PCDHA13: variants seen among roughly 807,000 people sequenced by gnomAD.
The protein encoded by PCDHA13 is protocadherin alpha-13.
In PCDHA13, 54 loss-of-function variants were observed where a neutral mutation model predicts 64.8. That is an observed-to-expected ratio of 0.83 (90% confidence interval 0.67 to 1.04). PCDHA13 has a LOEUF of 1.04. Ranked by LOEUF, PCDHA13 falls within the 50% of genes least tolerant of loss-of-function variation. The pLI, the probability that PCDHA13 is intolerant of heterozygous loss-of-function variation, is 0.00. For missense variants in PCDHA13, 1,248 were observed against 1,254.3 expected, an observed-to-expected ratio of 0.99 and a Z score of 0.08; for synonymous variants, 587 against 564.4, an observed-to-expected ratio of 1.04 and a Z score of -0.57.
intron 1 of PCDHA13, among the ~76,000 whole-genome samples, chr5:140,924,229 T>G (rs543275737): frequency 6.6e-6 from 1 of 152,258 alleles, no homozygotes; most frequent in Non-Finnish European, 1.5e-5. Flanking sequence ...TCAATTTTTA[T>G]GGGCTGTTTT....
intron 1 of PCDHA13, among the ~76,000 whole-genome samples, chr5:140,974,864 C>T (rs949061887): frequency 6.6e-6 from 1 of 152,124 alleles, no homozygotes; most frequent in Non-Finnish European, 1.5e-5. Flanking sequence ...TGCCTTAATG[C>T]GGAACAGTCT....
intron 1 of PCDHA13, among the ~76,000 whole-genome samples, chr5:140,941,215 C>CTTT (rs782548958): frequency 2.3e-4 from 24 of 104,510 alleles, no homozygotes; most frequent in African/African-American, 3.3e-4. Context: ...TTCTTTCTTC[C>CTTT]TTTCTTTCTT....
chr5:140,969,238 A>G, intron 1 of PCDHA13: 3 of 1,614,222 alleles, frequency 1.9e-6, no homozygotes, highest in South Asian at 1.1e-5. Flanking sequence ...GAGCCCAAGC[A>G]GCAGTGACTG....
At chr5:140,935,253 A>G (rs1469038997) in intron 1 of PCDHA13, among the ~76,000 whole-genome samples, 1 of 152,226 alleles carries the variant, frequency 6.6e-6, no homozygotes, top group Non-Finnish European at 1.5e-5. Flanking sequence ...GATAAAATAC[A>G]TCACATGTTT....
chr5:140,894,649 T>C (rs1270978331), intron 1 of PCDHA13, among the ~76,000 whole-genome samples: 3 of 152,024 alleles, frequency 2.0e-5, no homozygotes, highest in African/African-American at 7.2e-5. Context: ...ACTGAGTCTC[T>C]CTAATTCTGA....
intron 3 of PCDHA13, among the ~76,000 whole-genome samples, chr5:141,004,400 G>A (rs183932833): frequency 7.4e-4 from 113 of 152,304 alleles, no homozygotes; most frequent in African/African-American, 2.7e-3. Flanking sequence ...TGTGGAGGAG[G>A]CACCTGACTA....
In PCDHA13 at chr5:141,011,714, C is replaced by G. The variant is rs2098421596; in HGVS notation, c.*1777C>G. On this transcript the variant is annotated 3_prime_UTR_variant, in exon 4 of 4. Transcript: ENST00000289272. ...TTTTGGAATGAATACTGACAATATT[C>G]CATGAGGGTGTGCAAGCACAAATTT... 1 of 153,650 alleles carries G rather than the reference C, an allele frequency of 6.5e-6. No individual in the cohort carries two copies. Among genetic ancestry groups the G allele is most frequent in the South Asian group, 2.1e-4 (1 of 4,822 alleles). 9.5% of individuals were successfully genotyped at this position (153,650 alleles called of 1,614,324 possible).
chr5:140,889,923 C>T (rs1225073810), intron 1 of PCDHA13, among the ~76,000 whole-genome samples: 1 of 152,184 alleles, frequency 6.6e-6, no homozygotes, highest in African/African-American at 2.4e-5. Flanking sequence ...TGTAAAGAAG[C>T]TCAAGCTGGA....
At chr5:140,927,748 G>T (rs782605586) in intron 1 of PCDHA13, 3 of 1,614,206 alleles carry the variant, frequency 1.9e-6, no homozygotes, top group Admixed American at 1.7e-5. Flanking sequence ...CCGCTTTCAC[G>T]TGCACCCTAA....
At chr5:140,944,124 G>T (rs922088265) in intron 1 of PCDHA13, among the ~76,000 whole-genome samples, 10 of 152,200 alleles carry the variant, frequency 6.6e-5, no homozygotes, top group Admixed American at 6.5e-4. Context: ...TACCAGAGAA[G>T]AAAAGGTTGA....
At chr5:140,911,160 G>A (rs1226577638) in intron 1 of PCDHA13, among the ~76,000 whole-genome samples, 1 of 152,086 alleles carries the variant, frequency 6.6e-6, no homozygotes, top group African/African-American at 2.4e-5. Context: ...AGACAAATGT[G>A]GAAAGGCTGA....
intron 1 of PCDHA13, among the ~76,000 whole-genome samples, chr5:140,889,562 T>C (rs2062274153): frequency 6.6e-6 from 1 of 152,224 alleles, no homozygotes; most frequent in Non-Finnish European, 1.5e-5. Flanking sequence ...TTCAGAATTC[T>C]GCTTTCTGAT....
chr5:140,976,171 A>T (rs1356953697), intron 1 of PCDHA13, among the ~76,000 whole-genome samples: 1 of 152,218 alleles, frequency 6.6e-6, no homozygotes, highest in African/African-American at 2.4e-5. Flanking sequence ...TTAGTTTTGT[A>T]TTGTTTTAAA....
rs781944777 is a variant in PCDHA13, at chr5:140,978,930, T to A, written c.2395-19T>A. ...TTGTCTTGTCATTTTAACAGAAAAC[T>A]CTCTTTGTGATTTTGCAGCCACGAC... On this transcript the variant is annotated intron_variant, in intron 1 of 3. Transcript: ENST00000289272. The A allele has an allele frequency of 1.2e-6, 2 of 1,614,088 alleles. No homozygotes were observed. The highest frequency in any genetic ancestry group is 8.5e-7 in the Non-Finnish European group (1 of 1,180,010).
At chr5:140,928,252 G>T in intron 1 of PCDHA13, 1 of 1,614,208 alleles carries the variant, frequency 6.2e-7, no homozygotes, top group Non-Finnish European at 8.5e-7. Flanking sequence ...GGAACTTTTC[G>T]TTGCTGAAAA....
chr5:140,996,283 C>T (rs2097719869), intron 3 of PCDHA13, among the ~76,000 whole-genome samples: 1 of 152,172 alleles, frequency 6.6e-6, no homozygotes, highest in African/African-American at 2.4e-5. Context: ...TGCCAAATTT[C>T]AAGAAGCACA....
chr5:140,979,972 C>T (rs1393315984), intron 2 of PCDHA13, among the ~76,000 whole-genome samples: 1 of 152,176 alleles, frequency 6.6e-6, no homozygotes, highest in East Asian at 1.9e-4. Context: ...CATTAAAATG[C>T]ATTAGATTGA....
intron 1 of PCDHA13, chr5:140,968,651 GA>G: frequency 6.2e-7 from 1 of 1,614,154 alleles, no homozygotes; most frequent in Non-Finnish European, 8.5e-7. Flanking sequence ...CCAGACTTCT[GA>G]CCTGGACCTC....
chr5:140,980,239 A>G (rs1453927657), intron 2 of PCDHA13, among the ~76,000 whole-genome samples: 1 of 152,230 alleles, frequency 6.6e-6, no homozygotes, highest in Non-Finnish European at 1.5e-5. Flanking sequence ...TGGTGGAGAC[A>G]TGCAATGGGT....
Sources: allele counts gnomAD v4.1 joint callset (sites outside exome capture counted in the v4.1 genomes callset), GRCh38; gene constraint gnomAD v4.1.1; transcripts MANE v1.5; gene names NCBI Gene and HGNC (gene_info 2026-07-23, HGNC 2026-07-21).